The following PCDHGA1 variants were observed in gnomAD, a reference collection of about 807,000 sequenced individuals.
PCDHGA1 encodes the protein protocadherin gamma subfamily A, 1, also known as protocadherin gamma-A1.
In PCDHGA1, 32 loss-of-function variants were observed where a neutral mutation model predicts 58.0. The observed-to-expected ratio is 0.55, with a 90% CI of 0.42 to 0.74. PCDHGA1 has a LOEUF of 0.74. PCDHGA1 is among the 30% of genes least tolerant of loss of function. PCDHGA1 has a pLI of 0.00. For synonymous variants in PCDHGA1, 498 were observed against 501.1 expected (o/e 0.99, Z 0.08); for missense variants, 1,205 against 1,182.3 (o/e 1.02, Z -0.28).
At chr5:141,375,731 C>G in intron 1 of PCDHGA1, 2 of 1,614,256 alleles carry the variant, frequency 1.2e-6, no homozygotes, top group Non-Finnish European at 1.7e-6. Context: ...GTCACTGAGC[C>G]TGTTTGTGCT....
At chr5:141,347,891 T>A (rs540450444) in intron 1 of PCDHGA1, among the ~76,000 whole-genome samples, 23 of 152,318 alleles carry the variant, frequency 1.5e-4, no homozygotes, top group African/African-American at 5.3e-4. Flanking sequence ...GATTTCAACA[T>A]TTTGCCTGAG....
Position 141,431,021 on chromosome 5 carries a change from G to A in PCDHGA1, c.2422-63786G>A. On this transcript the variant is annotated intron_variant, in intron 1 of 3. Coordinates refer to ENST00000517417, the MANE Select transcript of PCDHGA1 (RefSeq NM_018912.3). This position sits in a 1 kb window ranked among gnomAD's most constrained non-coding sequence, Gnocchi z 4.8. ...GCGCAGCGGCAGCTTGGTCACGGCG[G>A]GCAGGATAGACCGGGAGGAGCTCTG... is the stretch of plus-strand genomic sequence containing the variant. 1 of 1,613,940 alleles carries A rather than the reference G, an allele frequency of 6.2e-7. No individual in the cohort carries two copies. Among genetic ancestry groups the A allele is most frequent in the Non-Finnish European group, 8.5e-7 (1 of 1,179,936 alleles).
chr5:141,489,729 C>T lies in PCDHGA1; in HGVS notation c.2422-5078C>T, dbSNP rs760195181. ...ACAGTGCCCAGGATCCGGATGTGGGCACCAATACTGTGAGCTTTTACACTC... is the reference window on the plus strand; with the variant it reads ...ACAGTGCCCAGGATCCGGATGTGGGTACCAATACTGTGAGCTTTTACACTC... On this transcript the variant is annotated intron_variant, in intron 1 of 3. Transcript: ENST00000517417. The surrounding 1 kb of genome is among the most constrained non-coding windows in gnomAD (Gnocchi z 4.5). 2.5e-6 allele frequency: 4 copies of T among 1,614,152 alleles called. No individual in the cohort carries two copies. The highest frequency in any genetic ancestry group is 2.2e-5 in the East Asian group (1 of 44,876).
chr5:141,464,138 G>A (rs62379197), intron 1 of PCDHGA1, among the ~76,000 whole-genome samples: 42,814 of 151,688 alleles, frequency 0.28, 6,814 homozygotes, highest in African/African-American at 0.44. Context: ...GGTGGTGGGC[G>A]CCTGTAGTCC....
chr5:141,451,597 C>A (rs2098719892), intron 1 of PCDHGA1, among the ~76,000 whole-genome samples: 1 of 152,076 alleles, frequency 6.6e-6, no homozygotes, highest in Admixed American at 6.6e-5. Context: ...AAGTGACATA[C>A]AAGGCTAGGC....
At chr5:141,473,501 G>C (rs1053399138) in intron 1 of PCDHGA1, among the ~76,000 whole-genome samples, 7 of 152,188 alleles carry the variant, frequency 4.6e-5, no homozygotes, top group African/African-American at 1.7e-4. Context: ...GGTGTTCTGA[G>C]AGAGCATAAC....
rs781586915 is a variant in PCDHGA1, at chr5:141,389,444, C to G, written c.2421+56339C>G. 7.0e-5 allele frequency: 112 copies of G among 1,610,446 alleles called. No homozygotes were observed. Among genetic ancestry groups the G allele is most frequent in the Middle Eastern group, 1.7e-4 (1 of 5,992 alleles). On this transcript the variant is annotated intron_variant, in intron 1 of 3. Transcript: ENST00000517417. Reference sequence around the variant, plus strand: ...TGTTCGCGCAGCGCGCCTTCGACCACGAGCAGCTGCGCGCCTTCGAACTCA... The same window carrying G: ...TGTTCGCGCAGCGCGCCTTCGACCAGGAGCAGCTGCGCGCCTTCGAACTCA...
chr5:141,403,986 C>A (rs367739607), intron 1 of PCDHGA1: 12 of 1,613,586 alleles, frequency 7.4e-6, no homozygotes, highest in Admixed American at 1.7e-5. Flanking sequence ...GACAATAGAC[C>A]TGAAGTGACC....
In PCDHGA1 at chr5:141,405,081, C is replaced by T. The variant is rs749102403; in HGVS notation, c.2421+71976C>T. 1.0e-4 allele frequency: 163 copies of T among 1,613,766 alleles called. No homozygotes were observed. The highest frequency in any genetic ancestry group is 1.2e-4 in the Non-Finnish European group (138 of 1,179,768). ...TGTGTCTTCCTCACCTTCGTTATCA[C>T]GCTGCTGGCCCTCAGGCTGAGGCAC... On this transcript the variant is annotated intron_variant, in intron 1 of 3. Transcript: ENST00000517417.
intron 1 of PCDHGA1, chr5:141,345,024 G>A (rs72790006): frequency 1.9e-6 from 3 of 1,613,938 alleles, no homozygotes; most frequent in Non-Finnish European, 1.7e-6. Flanking sequence ...TCTTTCAAGA[G>A]CCAAGATTCT....
At chr5:141,355,212 T>G in intron 1 of PCDHGA1, 1 of 1,600,656 alleles carries the variant, frequency 6.2e-7, no homozygotes, top group Non-Finnish European at 8.5e-7. Flanking sequence ...TGGCGGCGCC[T>G]CCTGCTCGCC....
intron 1 of PCDHGA1, among the ~76,000 whole-genome samples, chr5:141,436,781 A>T (rs1041532929): frequency 6.6e-6 from 1 of 152,236 alleles, no homozygotes; most frequent in Non-Finnish European, 1.5e-5. Context: ...TGTGGATGGA[A>T]ATAAAACTGT....
chr5:141,366,644 C>A, intron 1 of PCDHGA1: 3 of 1,614,268 alleles, frequency 1.9e-6, no homozygotes, highest in Non-Finnish European at 2.5e-6. Flanking sequence ...GATCTTTCCC[C>A]AGCCCAACTA....
chr5:141,396,597 G>A (rs2150671251), intron 1 of PCDHGA1: 1 of 151,620 alleles, frequency 6.6e-6, no homozygotes, highest in Middle Eastern at 3.4e-3. Flanking sequence ...TCCAGCCTGG[G>A]CAACAGGGTG....
In PCDHGA1 at chr5:141,399,169, C is replaced by G. The variant is rs371809310; in HGVS notation, c.2421+66064C>G. On this transcript the variant is annotated intron_variant, in intron 1 of 3. Transcript: ENST00000517417. ...TAGCCCAGAAGTTACATTCCATTCT[C>G]TACTTGAAATGATTCTGGAAAACGC... 2.4e-5 allele frequency: 38 copies of G among 1,613,632 alleles called. No individual in the cohort carries two copies. In the African/African-American group the frequency reaches 4.0e-4, roughly 17 times the overall value.
Position 141,431,529 on chromosome 5 carries a change from T to C in PCDHGA1, c.2422-63278T>C, listed in dbSNP as rs145601545. 166 of 1,614,074 alleles carry C rather than the reference T, an allele frequency of 1.0e-4. No individual in the cohort carries two copies. In the African/African-American group the frequency reaches 2.0e-3, roughly 19 times the overall value. On this transcript the variant is annotated intron_variant, in intron 1 of 3. Coordinates refer to ENST00000517417, the MANE Select transcript of PCDHGA1 (RefSeq NM_018912.3). The surrounding 1 kb of genome is among the most constrained non-coding windows in gnomAD (Gnocchi z 4.8). The stretch of plus-strand genomic sequence containing the variant: ...GCGAGCGTTCCGGAGAATCTGGCCT[T>C]GGGCACGCAGCTGCTTGTAGTCAAC...
Position 141,330,817 on chromosome 5 carries a change from G to C in PCDHGA1, c.133G>C (p.Val45Leu). The change falls in exon 1 of 4, where the codon GTA becomes CTA. Residue 45 changes from valine (V) to leucine (L), a missense_variant. Coordinates refer to ENST00000517417, the MANE Select transcript of PCDHGA1 (RefSeq NM_018912.3). Reference protein sequence around the residue: ...VPEETDKGSFVGNIAKDLGLQ... With the variant: ...VPEETDKGSFLGNIAKDLGLQ... ...GGAAGAGACAGACAAAGGTTCCTTC[G>C]TAGGCAACATCGCCAAGGACCTAGG... 6.2e-7 allele frequency: 1 copy of C among 1,614,180 alleles called. No homozygotes were observed. Among genetic ancestry groups the C allele is most frequent in the South Asian group, 1.1e-5 (1 of 91,082 alleles).
chr5:141,350,086 C>G, intron 1 of PCDHGA1: 1 of 443,952 alleles, frequency 2.3e-6, no homozygotes, highest in Non-Finnish European at 3.8e-6. Context: ...TCTGCAGGAG[C>G]GTCAGGCAGG....
At chr5:141,420,537 T>C (rs1246315357) in intron 1 of PCDHGA1, 2 of 317,450 alleles carry the variant, frequency 6.3e-6, no homozygotes, top group Non-Finnish European at 1.1e-5. Context: ...GTTAAAAATA[T>C]AAAATACAGG....
Sources: gnomAD v4.1 joint callset for allele counts (sites outside exome capture counted in the v4.1 genomes callset) on GRCh38, gnomAD v4.1.1 for gene constraint, Gnocchi (gnomAD v3.1) non-coding constraint, MANE v1.5 for transcripts, NCBI Gene and HGNC (gene_info 2026-07-23, HGNC 2026-07-21) for gene names.